ATF7: variants seen among roughly 807,000 people sequenced by gnomAD.
ATF7 encodes cyclic AMP-dependent transcription factor ATF-7.
ATF7 carries 10 observed loss-of-function variants against 50.4 expected under a neutral mutation model. The observed-to-expected ratio is 0.20, with a 90% CI of 0.12 to 0.34. The LOEUF (loss-of-function observed/expected upper bound fraction) is 0.34, where lower values mean the gene tolerates loss of function less well. Among genes scored for constraint, ATF7 ranks in the 10% least tolerant of loss-of-function variants. The pLI is 1.00. For synonymous variants in ATF7, 201 were observed against 226.4 expected, an observed-to-expected ratio of 0.89 and a Z score of 1.01; for missense variants, 465 against 613.9, an observed-to-expected ratio of 0.76 and a Z score of 2.56.
At chr12:53,525,353 C>CACAAA (rs1355487094) in intron 9 of ATF7, among the ~76,000 whole-genome samples, 5 of 152,088 alleles carry the variant, frequency 3.3e-5, no homozygotes, top group Admixed American at 1.3e-4. Flanking sequence ...AACTCCGTCT[C>CACAAA]ACAAAACAAA....
intron 1 of ATF7, among the ~76,000 whole-genome samples, chr12:53,603,936 G>A (rs1426576633): frequency 1.3e-5 from 2 of 151,934 alleles, no homozygotes; most frequent in Non-Finnish European, 2.9e-5. Context: ...AGACATAAAG[G>A]GAAATCTTGA....
intron 2 of ATF7, among the ~76,000 whole-genome samples, chr12:53,587,835 ATATATATATTT>A (rs1240986375): frequency 8.5e-5 from 4 of 47,282 alleles, no homozygotes; most frequent in Non-Finnish European, 1.9e-4. Context: ...ATATATATAT[ATATATATATTT>A]TTTTTTTTTT....
intron 2 of ATF7, among the ~76,000 whole-genome samples, chr12:53,560,931 G>T (rs1275854015): frequency 6.6e-6 from 1 of 150,676 alleles, no homozygotes; most frequent in Non-Finnish European, 1.5e-5. Flanking sequence ...ACTTGGGCTT[G>T]GTTTTTTCTT....
At chr12:53,547,035 A>G (rs1592839383) in intron 3 of ATF7, among the ~76,000 whole-genome samples, 1 of 125,474 alleles carries the variant, frequency 8.0e-6, no homozygotes, top group Admixed American at 1.0e-4. Context: ...CCCAGGCTGG[A>G]GTGCAGTGGC....
chr12:53,543,563 G>C (rs1028422548), intron 3 of ATF7, 115 bp from the exon 4 acceptor site: 5 of 1,183,396 alleles, frequency 4.2e-6, no homozygotes, highest in Non-Finnish European at 4.6e-6. Context: ...GAGAGTCTTT[G>C]TGTTAGGGCA....
chr12:53,534,545 T>A lies in ATF7; in HGVS notation c.517A>T (p.Thr173Ser). The part of the protein sequence containing the change: ...DPLHPTLPSP[T>S]SVITQAPPSN... Reference sequence around the variant, plus strand: ...GGTGGAGCCTGTGTGATGACAGAGGTTGGGGAGGGAAGGGTTGGATGAAGT... The same window carrying A: ...GGTGGAGCCTGTGTGATGACAGAGGATGGGGAGGGAAGGGTTGGATGAAGT... The change falls in exon 6 of 12, where the codon ACC becomes TCC. Residue 173 changes from threonine (T) to serine (S), a missense_variant. Physicochemically the swap from Thr to Ser is moderately conservative, Grantham distance 58 (BLOSUM62 1). Coordinates refer to ENST00000420353, the MANE Select transcript of ATF7 (RefSeq NM_006856.3). 6.2e-7 allele frequency: 1 copy of A among 1,613,490 alleles called. No individual in the cohort carries two copies. Among genetic ancestry groups the A allele is most frequent in the South Asian group, 1.1e-5 (1 of 91,034 alleles).
chr12:53,542,578 C>G (rs991271404), intron 4 of ATF7, among the ~76,000 whole-genome samples: 1 of 152,138 alleles, frequency 6.6e-6, no homozygotes, highest in African/African-American at 2.4e-5. Flanking sequence ...AGGCATGCAC[C>G]ACCATGCCTG....
At chr12:53,551,131 T>C (rs1419660376) in intron 3 of ATF7, among the ~76,000 whole-genome samples, 3 of 152,224 alleles carry the variant, frequency 2.0e-5, no homozygotes, top group African/African-American at 4.8e-5. Flanking sequence ...ATGTATACCC[T>C]ATCCACTATT....
At chr12:53,509,886 C>G (rs1944097909), downstream of ATF7, among the ~76,000 whole-genome samples, 1 of 152,114 alleles carries the variant, frequency 6.6e-6, no homozygotes. Context: ...ATCCTTTAGA[C>G]ACGTAGATTA....
At chr12:53,518,892 AAAAACC>A (rs1305259416) in intron 11 of ATF7, among the ~76,000 whole-genome samples, 1 of 151,908 alleles carries the variant, frequency 6.6e-6, no homozygotes, top group East Asian at 1.9e-4. Flanking sequence ...CAAAAAAAAA[AAAAACC>A]AAAAAATTAG....
At chr12:53,609,835 T>TTTTTTTTTTTTTA (rs1437122101) in intron 1 of ATF7, among the ~76,000 whole-genome samples, 1 of 149,456 alleles carries the variant, frequency 6.7e-6, no homozygotes, top group Non-Finnish European at 1.5e-5. Context: ...TTTTTTTTTT[T>TTTTTTTTTTTTTA]AGACAGGGTC....
At chr12:53,533,366 T>G in intron 6 of ATF7, 107 bp from the exon 7 acceptor site, 1 of 849,182 alleles carries the variant, frequency 1.2e-6, no homozygotes, top group Non-Finnish European at 1.8e-6. Flanking sequence ...AGGGAAGGTA[T>G]AGGGCAGCAT....
At chr12:53,585,183 C>T (rs1345883023) in intron 2 of ATF7, among the ~76,000 whole-genome samples, 3 of 151,970 alleles carry the variant, frequency 2.0e-5, no homozygotes, top group Non-Finnish European at 4.4e-5. Flanking sequence ...ACTATGTTGC[C>T]TAGGCTGGTC....
intron 2 of ATF7, among the ~76,000 whole-genome samples, chr12:53,589,668 A>G (rs1412071316): frequency 2.0e-5 from 3 of 152,222 alleles, no homozygotes; most frequent in Non-Finnish European, 4.4e-5. Context: ...TCTCATATTT[A>G]GTCAAATCGA....
intron 2 of ATF7, among the ~76,000 whole-genome samples, chr12:53,584,030 A>T (rs1436370355): frequency 6.6e-6 from 1 of 152,184 alleles, no homozygotes; most frequent in Non-Finnish European, 1.5e-5. Context: ...CCCAGGCTGG[A>T]GTACAGTGGC....
intron 11 of ATF7, among the ~76,000 whole-genome samples, chr12:53,521,862 T>A (rs1419153354): frequency 6.6e-6 from 1 of 152,190 alleles, no homozygotes; most frequent in Non-Finnish European, 1.5e-5. Flanking sequence ...CACCCTGAAG[T>A]ACATATTAAA....
chr12:53,550,374 TATAA>T (rs1244542783), intron 3 of ATF7, among the ~76,000 whole-genome samples: 2 of 144,132 alleles, frequency 1.4e-5, no homozygotes, highest in East Asian at 2.0e-4. Flanking sequence ...AAATAATAAA[TATAA>T]ATAAATAAAG....
At chr12:53,532,412 C>T in intron 8 of ATF7, 98 bp downstream of exon 8, 1 of 990,996 alleles carries the variant, frequency 1.0e-6, no homozygotes, top group Non-Finnish European at 1.5e-6. Context: ...TTGCAAGCCC[C>T]AGAAGGTTCC....
At chr12:53,572,289 G>A (rs1321274421) in intron 2 of ATF7, among the ~76,000 whole-genome samples, 4 of 152,138 alleles carry the variant, frequency 2.6e-5, no homozygotes, top group African/African-American at 4.8e-5. Flanking sequence ...GCAAACTGCT[G>A]TTCCCCAAAT....
Sources: gnomAD v4.1 joint callset for allele counts (sites outside exome capture counted in the v4.1 genomes callset) on GRCh38, gnomAD v4.1.1 for gene constraint, MANE v1.5 for transcripts, NCBI Gene and HGNC (gene_info 2026-07-23, HGNC 2026-07-21) for gene names.